The following UBASH3B variants were observed in gnomAD, a reference collection of about 807,000 sequenced individuals.
UBASH3B encodes the protein ubiquitin associated and SH3 domain containing B.
In UBASH3B, 37 loss-of-function variants were observed where a neutral mutation model predicts 83.4. The ratio of observed to expected loss-of-function variants is 0.44; its 90% CI spans 0.34 to 0.58. The LOEUF is 0.58. Among genes scored for constraint, UBASH3B ranks in the 20% least tolerant of loss-of-function variants. The pLI is 0.01. For synonymous variants in UBASH3B, 304 were observed against 318.3 expected (o/e 0.96, Z 0.48); for missense variants, 657 against 827.2 (o/e 0.79, Z 2.52).
At chr11:122,796,385 T>C in intron 8 of UBASH3B, 109 bp downstream of exon 8, 2 of 1,497,798 alleles carry the variant, frequency 1.3e-6, no homozygotes, top group South Asian at 2.6e-5. Flanking sequence ...TTGCGTACTA[T>C]AGAAGATGTC....
At position 122,814,391 on chromosome 11, in the gene UBASH3B, A is replaced by G. The variant is rs1475122402; in HGVS notation, c.*4505A>G. On this transcript the variant is annotated 3_prime_UTR_variant, in exon 14 of 14. Transcript: ENST00000284273. ...CCCCTGTTGATACAGCTATGGCACC[A>G]TTGTAATTACAGATGCACCTTTCAG... 1 of 152,642 alleles carries G rather than the reference A, an allele frequency of 6.6e-6. No homozygotes were observed. Among genetic ancestry groups the G allele is most frequent in the African/African-American group, 2.4e-5 (1 of 41,448 alleles). 9.5% of individuals were successfully genotyped at this position (152,642 alleles called of 1,614,324 possible).
At chr11:122,784,353 C>A (rs1860910855) in intron 5 of UBASH3B, among the ~76,000 whole-genome samples, 1 of 152,108 alleles carries the variant, frequency 6.6e-6, no homozygotes, top group Non-Finnish European at 1.5e-5. Context: ...AGAAGGGCAA[C>A]CTGTCTGAAA....
chr11:122,707,371 G>GC lies in UBASH3B; in HGVS notation c.161+51162dup, dbSNP rs574165351. On this transcript the variant is annotated intron_variant, in intron 1 of 13. Transcript: ENST00000284273. Reference sequence around the variant, plus strand: ...CCTTTTCCTAACGTGTGCCTTCTCTGCGTGGTGCCTCTTCTACTCCTTGCA... The same window carrying GC: ...CCTTTTCCTAACGTGTGCCTTCTCTGCCGTGGTGCCTCTTCTACTCCTTGCA... Among the ~76,000 whole-genome samples the GC allele has an allele frequency of 7.9e-3, 1,203 of 152,110 alleles. 5 individuals are homozygous for GC. Among genetic ancestry groups the GC allele is most frequent in the Non-Finnish European group, 0.012 (803 of 68,006 alleles).
intron 1 of UBASH3B, among the ~76,000 whole-genome samples, chr11:122,664,083 T>G (rs1432086668): frequency 6.6e-6 from 1 of 152,108 alleles, no homozygotes; most frequent in Non-Finnish European, 1.5e-5. Context: ...TCACTGAGCT[T>G]TGGGTATAAG....
intron 1 of UBASH3B, among the ~76,000 whole-genome samples, chr11:122,679,656 G>T (rs1267507987): frequency 1.3e-5 from 2 of 152,206 alleles, no homozygotes; most frequent in Non-Finnish European, 2.9e-5. Context: ...CGACCATATG[G>T]TCTCCATGGT....
At chr11:122,734,799 TAA>T (rs1011855426) in intron 1 of UBASH3B, among the ~76,000 whole-genome samples, 2 of 139,968 alleles carry the variant, frequency 1.4e-5, no homozygotes, top group Admixed American at 7.2e-5. Flanking sequence ...AGCTGTATCT[TAA>T]AAAAAAAAAA....
chr11:122,693,877 A>G (rs777380098), intron 1 of UBASH3B, among the ~76,000 whole-genome samples: 5 of 152,106 alleles, frequency 3.3e-5, no homozygotes, highest in African/African-American at 1.2e-4. Context: ...TCTCGAAAAA[A>G]ATAAAAATAA....
chr11:122,761,359 T>C (rs1015388168), intron 1 of UBASH3B, among the ~76,000 whole-genome samples: 1 of 152,172 alleles, frequency 6.6e-6, no homozygotes, highest in Non-Finnish European at 1.5e-5. Flanking sequence ...TAGTCCTAGC[T>C]ACACAGGAGG....
intron 1 of UBASH3B, among the ~76,000 whole-genome samples, chr11:122,677,424 G>C (rs1297524635): frequency 6.6e-6 from 1 of 152,030 alleles, no homozygotes; most frequent in Non-Finnish European, 1.5e-5. Context: ...TTCCCATCTC[G>C]AGGCAGAATG....
rs536590029 is a variant in UBASH3B, at chr11:122,757,269, G to C, written c.162-18950G>C. ...ATCAGGAGGTTGAGTCCTCATGAAC[G>C]GGATAGTCCCCTTGTGAAAGAAACC... On this transcript the variant is annotated intron_variant, in intron 1 of 13. Transcript: ENST00000284273. Among the ~76,000 whole-genome samples, 8 of 152,200 alleles carry C rather than the reference G, an allele frequency of 5.3e-5. No homozygotes were observed. The South Asian group carries it at 1.7e-3, about 32-fold the overall frequency.
At chr11:122,710,806 T>C (rs1015036006) in intron 1 of UBASH3B, among the ~76,000 whole-genome samples, 3 of 151,176 alleles carry the variant, frequency 2.0e-5, no homozygotes, top group African/African-American at 7.3e-5. Flanking sequence ...AGCTTTTGAC[T>C]CTCATTCCAT....
At chr11:122,778,879 A>G (rs1197280959) in intron 3 of UBASH3B, among the ~76,000 whole-genome samples, 2 of 152,220 alleles carry the variant, frequency 1.3e-5, no homozygotes, top group African/African-American at 4.8e-5. Context: ...TGCTGGGATT[A>G]CAGGCATGAG....
At chr11:122,789,740 C>CT (rs1328010369) in intron 6 of UBASH3B, among the ~76,000 whole-genome samples, 2 of 152,120 alleles carry the variant, frequency 1.3e-5, no homozygotes, top group African/African-American at 4.8e-5. Flanking sequence ...GGCAGGAGCC[C>CT]TAACTGTATC....
intron 6 of UBASH3B, among the ~76,000 whole-genome samples, chr11:122,794,067 G>A (rs1430773443): frequency 1.3e-5 from 2 of 152,136 alleles, no homozygotes; most frequent in South Asian, 2.1e-4. Context: ...TCATTGATAC[G>A]TTGTTATTCT....
rs1861457302 is a variant in UBASH3B at position 122,811,998 on chromosome 11, G to A, written c.*2112G>A. The A allele has an allele frequency of 6.6e-6, 1 of 152,098 alleles. No individual in the cohort carries two copies. Among genetic ancestry groups the A allele is most frequent in the African/African-American group, 2.4e-5 (1 of 41,420 alleles). The allele number at this position is 152,098 out of a possible 1,614,324, so 9.4% of individuals were successfully genotyped here. ...CTTGAAACTGTAGCAGTGTGTTCTGGGCAGTATCTGTAATGTATGAAATAG... is the reference window on the plus strand; with the variant it reads ...CTTGAAACTGTAGCAGTGTGTTCTGAGCAGTATCTGTAATGTATGAAATAG... On this transcript the variant is annotated 3_prime_UTR_variant, in exon 14 of 14. Transcript: ENST00000284273.
At chr11:122,701,474 T>C (rs1349707386) in intron 1 of UBASH3B, among the ~76,000 whole-genome samples, 2 of 151,976 alleles carry the variant, frequency 1.3e-5, no homozygotes, top group African/African-American at 4.8e-5. Flanking sequence ...CCTTTCAAGC[T>C]TTTTTTTGGG....
chr11:122,757,111 C>A (rs1041349028), intron 1 of UBASH3B, among the ~76,000 whole-genome samples: 1 of 152,220 alleles, frequency 6.6e-6, no homozygotes, highest in African/African-American at 2.4e-5. Context: ...TTTGCCTACA[C>A]GCACATGCAC....
rs552631251 is a variant in UBASH3B at position 122,771,175 on chromosome 11, TC to T, written c.162-5043del. On this transcript the variant is annotated intron_variant, in intron 1 of 13. Transcript: ENST00000284273. ...TTTCATCTGTTTGCTGGTGCCATTC[TC>T]TCTACTTCAGATGTCCTTCTGCTTT... Among the ~76,000 whole-genome samples the T allele has an allele frequency of 4.1e-3, 631 of 152,188 alleles. 1 individual carries two copies. Among genetic ancestry groups the T allele is most frequent in the African/African-American group, 0.014 (590 of 41,544 alleles).
At position 122,776,220 on chromosome 11, in the gene UBASH3B, C is replaced by G; in HGVS notation, c.163C>G (p.Gln55Glu). The change falls in exon 2 of 14, where the codon CAA becomes GAA. Residue 55 changes from glutamine (Q) to glutamate (E), a missense_variant and splice_region_variant. Transcript: ENST00000284273. ...LSMGFPRARA[Q>E]KALASTGGRS... The stretch of plus-strand genomic sequence containing the variant: ...TAGAAATTTGATTTCTTCTTTCAGA[C>G]AAAAAGCCTTGGCATCCACGGGAGG... 2 of 1,610,258 alleles carry G rather than the reference C, an allele frequency of 1.2e-6. No individual in the cohort carries two copies. Among genetic ancestry groups the G allele is most frequent in the Non-Finnish European group, 1.7e-6 (2 of 1,178,550 alleles).
Sources: gnomAD v4.1 joint callset for allele counts (sites outside exome capture counted in the v4.1 genomes callset) on GRCh38, gnomAD v4.1.1 for gene constraint, MANE v1.5 for transcripts, NCBI Gene and HGNC (gene_info 2026-07-23, HGNC 2026-07-21) for gene names.